TRIM23: variants seen among roughly 807,000 people sequenced by gnomAD.
The protein encoded by TRIM23 is tripartite motif containing 23, also known as E3 ubiquitin-protein ligase TRIM23.
A neutral mutation model predicts 71.0 loss-of-function variants in TRIM23; 27 were observed. The observed-to-expected ratio is 0.38, with a 90% CI of 0.28 to 0.52. TRIM23 has a LOEUF of 0.52. Ranked by LOEUF, TRIM23 falls within the 20% of genes least tolerant of loss-of-function variation. The probability of loss-of-function intolerance (pLI) is 0.84; values close to 1 mark genes in which losing one functional copy is unlikely to be tolerated. For synonymous variants in TRIM23, 234 were observed against 238.0 expected, an observed-to-expected ratio of 0.98 and a Z score of 0.16; for missense variants, 482 against 692.3, an observed-to-expected ratio of 0.70 and a Z score of 3.41.
At chr5:65,601,997 T>A (rs1754376209) in intron 7 of TRIM23, among the ~76,000 whole-genome samples, 1 of 152,222 alleles carries the variant, frequency 6.6e-6, no homozygotes, top group African/African-American at 2.4e-5. Flanking sequence ...GGGGCTGCCA[T>A]GAAGGTCTCT....
At chr5:65,602,890 C>T (rs1754399717) in intron 7 of TRIM23, among the ~76,000 whole-genome samples, 2 of 152,134 alleles carry the variant, frequency 1.3e-5, no homozygotes, top group African/African-American at 2.4e-5. Context: ...CCTCCCAAAA[C>T]GTGGGAATTC....
chr5:65,592,064 C>A, intron 10 of TRIM23, 116 bp from the exon 11 acceptor site: 1 of 978,018 alleles, frequency 1.0e-6, no homozygotes, highest in Non-Finnish European at 1.5e-6. Flanking sequence ...AAACAAAAAA[C>A]CTAGATTCAT....
At position 65,624,307 on chromosome 5, in the gene TRIM23, C is replaced by A. The variant is rs1490796941; in HGVS notation, c.-33G>T. 1 of 1,609,846 alleles carries A rather than the reference C, an allele frequency of 6.2e-7. No homozygotes were observed. The highest frequency in any genetic ancestry group is 1.7e-5 in the Admixed American group (1 of 59,790). ...GGGGAAGCGCCACAGAAACAGCCTT[C>A]AGAGTCCTCAACTGAGAGGCGGGGT... On this transcript the variant is annotated 5_prime_UTR_variant, in exon 1 of 11. Transcript: ENST00000231524.
chr5:65,621,309 G>GCACA (rs1754938783), intron 1 of TRIM23, among the ~76,000 whole-genome samples: 2 of 152,192 alleles, frequency 1.3e-5, no homozygotes, highest in African/African-American at 4.8e-5. Flanking sequence ...CCAAGATTGT[G>GCACA]CCACTGCCCT....
At chr5:65,615,388 G>A (rs1754752557) in intron 2 of TRIM23, among the ~76,000 whole-genome samples, 1 of 152,120 alleles carries the variant, frequency 6.6e-6, no homozygotes, top group African/African-American at 2.4e-5. Flanking sequence ...TTTAGCAGAA[G>A]GAATATTTGT....
chr5:65,596,229 A>G (rs1374444498), intron 9 of TRIM23, among the ~76,000 whole-genome samples, 192 bp downstream of exon 9: 2 of 152,226 alleles, frequency 1.3e-5, no homozygotes, highest in Non-Finnish European at 2.9e-5. Context: ...ATAATGGTAT[A>G]TCAGGAATAA....
chr5:65,590,571 C>A lies in TRIM23; in HGVS notation c.*1198G>T. The A allele has an allele frequency of 9.5e-7, 1 of 1,052,336 alleles. No individual in the cohort carries two copies. Among genetic ancestry groups the A allele is most frequent in the South Asian group, 4.6e-5 (1 of 21,680 alleles). 65.2% of individuals were successfully genotyped at this position (1,052,336 alleles called of 1,614,324 possible). A position where few individuals can be genotyped will look rare whatever the true frequency, so the allele number is the denominator to read the frequency against. Reference sequence around the variant, plus strand: ...TTAAAAAAAAAAAAGTCTCAATGTACCTATTTAAATAAATCGTGCTTCCAT... The same window carrying A: ...TTAAAAAAAAAAAAGTCTCAATGTAACTATTTAAATAAATCGTGCTTCCAT... On this transcript the variant is annotated 3_prime_UTR_variant, in exon 11 of 11. Transcript: ENST00000231524.
chr5:65,609,186 T>C, intron 6 of TRIM23, 57 bp downstream of exon 6: 10 of 1,543,978 alleles, frequency 6.5e-6, no homozygotes, highest in African/African-American at 1.4e-5. Context: ...TGTATACCTC[T>C]GGTAATTATC....
In TRIM23 at chr5:65,591,503, C is replaced by T; in HGVS notation, c.*266G>A. 6.4e-7 allele frequency: 1 copy of T among 1,569,340 alleles called. No individual in the cohort carries two copies. Among genetic ancestry groups the T allele is most frequent in the African/African-American group, 1.4e-5 (1 of 72,842 alleles). Reference sequence around the variant, plus strand: ...TATTGGTCACATATTATCTGAAAAACTTAAATAACAAATATACTTTTTAAA... The same window carrying T: ...TATTGGTCACATATTATCTGAAAAATTTAAATAACAAATATACTTTTTAAA... On this transcript the variant is annotated 3_prime_UTR_variant, in exon 11 of 11. Coordinates refer to ENST00000231524, the MANE Select transcript of TRIM23 (RefSeq NM_001656.4).
At chr5:65,611,479 A>C (rs1344484478) in intron 4 of TRIM23, 124 bp downstream of exon 4, 1 of 1,054,332 alleles carries the variant, frequency 9.5e-7, no homozygotes, top group East Asian at 2.5e-5. Flanking sequence ...ACCAAACCCA[A>C]TCACTCATCA....
intron 7 of TRIM23, among the ~76,000 whole-genome samples, chr5:65,601,903 C>A (rs1435321926): frequency 6.6e-6 from 1 of 152,176 alleles, no homozygotes; most frequent in Non-Finnish European, 1.5e-5. Flanking sequence ...GGCATCAAGT[C>A]CCCAGGCTGC....
In TRIM23 at chr5:65,591,221, GTGTTC is replaced by G. The variant is rs887424493; in HGVS notation, c.*543_*547del. The G allele has an allele frequency of 8.1e-6, 10 of 1,232,700 alleles. No homozygotes were observed. Among genetic ancestry groups the G allele is most frequent in the Non-Finnish European group, 1.0e-5 (10 of 985,712 alleles). The allele number at this position is 1,232,700 out of a possible 1,614,324, so 76.4% of individuals were successfully genotyped here. A position where few individuals can be genotyped will look rare whatever the true frequency, so the allele number is the denominator to read the frequency against. The stretch of plus-strand genomic sequence containing the variant: ...TACCTTATAGTTCTTAGCATTAAAG[GTGTTC>G]TGTTAACTCTGAACATAAACATAAA... On this transcript the variant is annotated 3_prime_UTR_variant, in exon 11 of 11. Transcript: ENST00000231524.
rs1420568191 is a variant in TRIM23, at chr5:65,590,267, C to T, written c.*1502G>A. 1.7e-6 allele frequency: 2 copies of T among 1,171,868 alleles called. No homozygotes were observed. The highest frequency in any genetic ancestry group is 1.2e-6 in the Non-Finnish European group (1 of 810,824). The allele number at this position is 1,171,868 out of a possible 1,614,324, so 72.6% of individuals were successfully genotyped here. On this transcript the variant is annotated 3_prime_UTR_variant, in exon 11 of 11. Coordinates refer to ENST00000231524, the MANE Select transcript of TRIM23 (RefSeq NM_001656.4). ...ATTTAATTCGGAAGTATTATTTATGCACACAAACTACACCTGTAACAGCAT... is the reference window on the plus strand; with the variant it reads ...ATTTAATTCGGAAGTATTATTTATGTACACAAACTACACCTGTAACAGCAT...
intron 2 of TRIM23, among the ~76,000 whole-genome samples, chr5:65,616,036 C>A (rs762837377): frequency 1.1e-4 from 17 of 152,192 alleles, no homozygotes; most frequent in Non-Finnish European, 2.2e-4. Flanking sequence ...TTAACTTCTA[C>A]CTGGATGCTA....
chr5:65,609,270 G>A lies in TRIM23; in HGVS notation c.1017C>T (p.Cys339=). The change falls in exon 6 of 11, where the codon TGC becomes TGT. Residue 339 remains cysteine, a synonymous_variant. Transcript: ENST00000231524. ...GCTGCAAAGTCTTTTCACAGTGGAG[G>A]CAGGCTGCAGAAACCTCTGACAACA... ...TILLSEVSAA[C]LHCEKTLQQD... is the part of the protein sequence containing the mutation. 5 of 1,614,134 alleles carry A rather than the reference G, an allele frequency of 3.1e-6. No homozygotes were observed. Among genetic ancestry groups the A allele is most frequent in the Non-Finnish European group, 3.4e-6 (4 of 1,180,024 alleles).
At chr5:65,600,956 A>G (rs1754346780) in intron 7 of TRIM23, among the ~76,000 whole-genome samples, 1 of 152,234 alleles carries the variant, frequency 6.6e-6, no homozygotes, top group Non-Finnish European at 1.5e-5. Context: ...ATTTCAAACC[A>G]ATCAGGATGG....
intron 1 of TRIM23, among the ~76,000 whole-genome samples, chr5:65,619,805 G>C (rs1335208911): frequency 1.3e-5 from 2 of 152,168 alleles, no homozygotes; most frequent in African/African-American, 4.8e-5. Flanking sequence ...ATTAAAGCTA[G>C]GCATGGTGGT....
chr5:65,618,519 C>T (rs1754833808), intron 1 of TRIM23, among the ~76,000 whole-genome samples: 1 of 152,092 alleles, frequency 6.6e-6, no homozygotes, highest in East Asian at 1.9e-4. Flanking sequence ...TCTTTGTTAT[C>T]TTTTGAAAAT....
chr5:65,602,165 C>T (rs1754380327), intron 7 of TRIM23, among the ~76,000 whole-genome samples: 1 of 152,192 alleles, frequency 6.6e-6, no homozygotes, highest in African/African-American at 2.4e-5. Context: ...AACTTTTACG[C>T]TCTGCTTCCC....
Sources: allele counts gnomAD v4.1 joint callset (sites outside exome capture counted in the v4.1 genomes callset), GRCh38; gene constraint gnomAD v4.1.1; transcripts MANE v1.5; gene names NCBI Gene and HGNC (gene_info 2026-07-23, HGNC 2026-07-21).